The following KIF27 variants were observed in gnomAD, a reference collection of about 807,000 sequenced individuals.
KIF27 encodes the protein kinesin-like protein KIF27.
In KIF27, 84 loss-of-function variants were observed where a neutral mutation model predicts 141.8. That is an observed-to-expected ratio of 0.59 (90% CI 0.50 to 0.71). KIF27 has a LOEUF of 0.71. Ranked by LOEUF, KIF27 falls within the 30% of genes least tolerant of loss-of-function variation. KIF27 has a pLI of 0.00. For missense variants in KIF27, 1,306 were observed against 1,628.4 expected (o/e 0.80, Z 3.41); for synonymous variants, 471 against 569.5 (o/e 0.83, Z 2.46).
At position 83,903,620 on chromosome 9, in the gene KIF27, G is replaced by T. The variant is rs368536781; in HGVS notation, c.898C>A (p.Arg300=). Residue 300 remains arginine, a synonymous_variant, in exon 4 of 18, where the codon CGG becomes AGG. Coordinates refer to ENST00000297814, the MANE Select transcript of KIF27 (RefSeq NM_017576.4). ...CCTCCCAGAGAATCTTTCAGAAGCC[G>T]GGTAATTTTAGCATCCCTATATGGA... ...HIPYRDAKIT[R]LLKDSLGGSA... The T allele has an allele frequency of 3.1e-6, 5 of 1,614,078 alleles. No homozygotes were observed. Among genetic ancestry groups the T allele is most frequent in the Non-Finnish European group, 4.2e-6 (5 of 1,180,006 alleles).
chr9:83,862,972 T>C (rs1950064006), intron 13 of KIF27, among the ~76,000 whole-genome samples: 1 of 152,232 alleles, frequency 6.6e-6, no homozygotes, highest in South Asian at 2.1e-4. Flanking sequence ...TTGGGCTCTC[T>C]GTTTGTCTGT....
chr9:83,912,371 C>T (rs1955255495), intron 2 of KIF27, among the ~76,000 whole-genome samples: 1 of 152,170 alleles, frequency 6.6e-6, no homozygotes, highest in African/African-American at 2.4e-5. Context: ...GCAAGACTGC[C>T]ATCATGTGGC....
At chr9:83,878,008 CA>C (rs1422956615) in intron 11 of KIF27, among the ~76,000 whole-genome samples, 1 of 151,328 alleles carries the variant, frequency 6.6e-6, no homozygotes, top group African/African-American at 2.4e-5. Context: ...ACTAAAAATA[CA>C]AAAAATTAGC....
chr9:83,903,540 A>G lies in KIF27; in HGVS notation c.978T>C (p.Asp326=). The change falls in exon 4 of 18, where the codon GAT becomes GAC. Residue 326 remains aspartate (D), a synonymous_variant. Transcript: ENST00000297814. The part of the protein sequence containing the change: ...TCVSPSSSNF[D]ESLNSLKYAN... ...CATATTTGAGAGAATTTAAGGACTC[A>G]TCAAAATTCGAGGAGGAGGGGCTGA... is the stretch of plus-strand genomic sequence containing the variant. 6.2e-7 allele frequency: 1 copy of G among 1,614,122 alleles called. No homozygotes were observed. The highest frequency in any genetic ancestry group is 8.5e-7 in the Non-Finnish European group (1 of 1,179,974).
intron 13 of KIF27, among the ~76,000 whole-genome samples, chr9:83,864,384 T>C (rs1231191615): frequency 3.3e-5 from 5 of 152,160 alleles, no homozygotes; most frequent in African/African-American, 4.8e-5. Context: ...TCTTTGTTCT[T>C]GTTGGTTTCA....
At chr9:83,877,450 G>C (rs1318458488) in intron 11 of KIF27, among the ~76,000 whole-genome samples, 1 of 152,076 alleles carries the variant, frequency 6.6e-6, no homozygotes, top group African/African-American at 2.4e-5. Context: ...GGTACAACTG[G>C]AGTTCCACAT....
chr9:83,913,448 T>C (rs1343283790), intron 2 of KIF27, among the ~76,000 whole-genome samples: 2 of 152,174 alleles, frequency 1.3e-5, no homozygotes, highest in African/African-American at 2.4e-5. Flanking sequence ...ATCCAACTTT[T>C]TTTTTTTTGA....
At chr9:83,894,231 T>C (rs62563543) in intron 5 of KIF27, among the ~76,000 whole-genome samples, 26,606 of 152,154 alleles carry the variant, frequency 0.17, 2,870 homozygotes, top group Non-Finnish European at 0.24. Flanking sequence ...AATTAAATAA[T>C]CTATATTATG....
chr9:83,887,635 A>C (rs935598008), intron 8 of KIF27, among the ~76,000 whole-genome samples: 16 of 152,134 alleles, frequency 1.1e-4, no homozygotes, highest in African/African-American at 3.9e-4. Flanking sequence ...CCAGAATGTA[A>C]ATCAACTATG....
chr9:83,908,579 A>T lies in KIF27; in HGVS notation c.372T>A (p.His124Gln), dbSNP rs1564003861. The change falls in exon 3 of 18, where the codon CAT becomes CAA. Residue 124 changes from histidine (H) to glutamine (Q), a missense_variant. Physicochemically the swap from His to Gln is conservative, Grantham distance 24. Around this residue, in one of 4 missense-constraint regions of KIF27, gnomAD observed 533 missense variants for 565.6 expected, o/e 0.94. Transcript: ENST00000297814. ...CTTTTACATTAAAGTCAATGCTAGGATGTTCAGAGATGCTTTGAAATATTT... is the reference window on the plus strand; with the variant it reads ...CTTTTACATTAAAGTCAATGCTAGGTTGTTCAGAGATGCTTTGAAATATTT... The part of the protein sequence containing the change: ...IQEIFQSISE[H>Q]PSIDFNVKVS... 1.2e-6 allele frequency: 2 copies of T among 1,611,836 alleles called. No homozygotes were observed. Among genetic ancestry groups the T allele is most frequent in the Non-Finnish European group, 1.7e-6 (2 of 1,178,396 alleles).
Position 83,848,235 on chromosome 9 carries a change from TATATG to T in KIF27, c.3556+1859_3556+1863del, listed in dbSNP as rs1211729639. Among the ~76,000 whole-genome samples, 4 of 106,380 alleles carry T rather than the reference TATATG, an allele frequency of 3.8e-5. 1 individual carries two copies. Among genetic ancestry groups the T allele is most frequent in the Non-Finnish European group, 5.5e-5 (3 of 54,196 alleles). The allele number at this position is 106,380 out of a possible 152,430, so 69.8% of individuals were successfully genotyped here. ...TATATATGATATATCAGATATGATATATATGATATATCAGATATGATATATATGAT... is the reference window on the plus strand; with the variant it reads ...TATATATGATATATCAGATATGATATATATATCAGATATGATATATATGAT... On this transcript the variant is annotated intron_variant, in intron 16 of 17. Transcript: ENST00000297814.
intron 11 of KIF27, among the ~76,000 whole-genome samples, chr9:83,876,994 T>C (rs1951252195): frequency 1.3e-5 from 2 of 152,240 alleles, no homozygotes; most frequent in East Asian, 1.9e-4. Flanking sequence ...GGTGGATCAC[T>C]TGAGCCCAGG....
At chr9:83,905,042 T>G (rs2132611637) in intron 3 of KIF27, among the ~76,000 whole-genome samples, 1 of 152,162 alleles carries the variant, frequency 6.6e-6, no homozygotes, top group South Asian at 2.1e-4. Context: ...GAAAAAAAAG[T>G]TTTTATTTCA....
intron 16 of KIF27, among the ~76,000 whole-genome samples, chr9:83,843,587 A>G (rs528736523): frequency 5.5e-4 from 84 of 152,334 alleles, no homozygotes; most frequent in Non-Finnish European, 9.6e-4. Flanking sequence ...CTTAAAATTA[A>G]TGAGATCATA....
intron 11 of KIF27, among the ~76,000 whole-genome samples, chr9:83,876,339 T>C (rs2132128534): frequency 6.6e-6 from 1 of 152,318 alleles, no homozygotes; most frequent in East Asian, 1.9e-4. Context: ...AAAGAATATC[T>C]AGGAACAAGT....
Position 83,889,903 on chromosome 9 carries a change from A to T in KIF27, c.1810-650T>A, listed in dbSNP as rs1233115005. Reference sequence around the variant, plus strand: ...CATTCTTCTATTGGAAATGCACTTTAAATTCTCAAAAAAAAATGACCTTGG... The same window carrying T: ...CATTCTTCTATTGGAAATGCACTTTTAATTCTCAAAAAAAAATGACCTTGG... On this transcript the variant is annotated intron_variant, in intron 6 of 17. Transcript: ENST00000297814. 2.6e-5 allele frequency among the ~76,000 whole-genome samples: 4 copies of T among 152,234 alleles called. No individual in the cohort carries two copies. In the East Asian group the frequency reaches 7.7e-4, roughly 29 times the overall value.
chr9:83,903,323 C>G lies in KIF27; in HGVS notation c.1195G>C (p.Glu399Gln). 6.2e-7 allele frequency: 1 copy of G among 1,614,214 alleles called. No individual in the cohort carries two copies. The highest frequency in any genetic ancestry group is 8.5e-7 in the Non-Finnish European group (1 of 1,180,030). Residue 399 changes from glutamate (E) to glutamine (Q), a missense_variant, in exon 4 of 18, where the codon GAG becomes CAG. Coordinates refer to ENST00000297814, the MANE Select transcript of KIF27 (RefSeq NM_017576.4). ...PDTNRIHSLE[E>Q]QVAQLQGECL... is the part of the protein sequence containing the mutation. ...TCTCCTTGAAGCTGAGCTACTTGCT[C>G]CTCAAGAGAATGAATCCTATTTGTA... is the stretch of plus-strand genomic sequence containing the variant.
intron 11 of KIF27, among the ~76,000 whole-genome samples, chr9:83,877,054 G>A (rs1951259624): frequency 6.6e-6 from 1 of 152,104 alleles, no homozygotes; most frequent in Non-Finnish European, 1.5e-5. Context: ...TTCAGCCTGG[G>A]TGACAGAGTG....
rs1564283550 is a variant in KIF27, at chr9:83,848,100, A to ATGATATATCATATATATGATATATC, written c.3556+1998_3556+1999insGATATATCATATATATGATATATCA. 5.2e-4 allele frequency among the ~76,000 whole-genome samples: 22 copies of ATGATATATCATATATATGATATATC among 42,500 alleles called. 8 individuals carry two copies. Among genetic ancestry groups the ATGATATATCATATATATGATATATC allele is most frequent in the African/African-American group, 3.0e-3 (17 of 5,598 alleles). 27.9% of individuals were successfully genotyped at this position (42,500 alleles called of 152,430 possible). A position where few individuals can be genotyped will look rare whatever the true frequency, so the allele number is the denominator to read the frequency against. On this transcript the variant is annotated intron_variant, in intron 16 of 17. Coordinates refer to ENST00000297814, the MANE Select transcript of KIF27 (RefSeq NM_017576.4). ...ATGATATATCATATATATGATATAT[A>ATGATATATCATATATATGATATATC]TGATATCTCATATCTGATATATCTG...
Sources: gnomAD v4.1 joint callset for allele counts (sites outside exome capture counted in the v4.1 genomes callset) on GRCh38, gnomAD v4.1.1 for gene constraint, gnomAD v4.1.1 regional missense constraint, MANE v1.5 for transcripts, NCBI Gene and HGNC (gene_info 2026-07-23, HGNC 2026-07-21) for gene names.